Variants in SLC38A1 observed in about 807,000 individuals in gnomAD.
SLC38A1 encodes sodium-coupled neutral amino acid symporter 1.
SLC38A1 carries 18 observed loss-of-function variants against 60.3 expected under a neutral mutation model. The observed-to-expected ratio is 0.30, with a 90% confidence interval of 0.21 to 0.44. The LOEUF (loss-of-function observed/expected upper bound fraction) is 0.44. SLC38A1 is among the 20% of genes least tolerant of loss of function. SLC38A1 has a pLI of 1.00. For synonymous variants in SLC38A1, 196 were observed against 212.1 expected (o/e 0.92, Z 0.66); for missense variants, 448 against 587.2 (o/e 0.76, Z 2.45).
intron 1 of SLC38A1, among the ~76,000 whole-genome samples, chr12:46,260,654 G>T: frequency 6.6e-6 from 1 of 152,040 alleles, no homozygotes; most frequent in East Asian, 1.9e-4. Context: ...GACCTCACAT[G>T]CCAGCATTCT....
At chr12:46,234,903 T>C (rs1330563635) in intron 3 of SLC38A1, among the ~76,000 whole-genome samples, 4 of 152,240 alleles carry the variant, frequency 2.6e-5, no homozygotes, top group Non-Finnish European at 5.9e-5. Flanking sequence ...TTTCTCTTTA[T>C]TGACTTTAAA....
At chr12:46,225,329 G>A (rs1323849933) in intron 5 of SLC38A1, among the ~76,000 whole-genome samples, 4 of 152,172 alleles carry the variant, frequency 2.6e-5, no homozygotes, top group African/African-American at 9.7e-5. Context: ...CCATAAAGCT[G>A]ACTGGTTGGT....
chr12:46,206,520 C>G (rs1458034335), intron 8 of SLC38A1, among the ~76,000 whole-genome samples: 1 of 151,860 alleles, frequency 6.6e-6, no homozygotes, highest in African/African-American at 2.4e-5. Flanking sequence ...TTTTGTTTTG[C>G]TGGGCTAGTA....
chr12:46,212,251 T>C (rs1055847816), intron 5 of SLC38A1, among the ~76,000 whole-genome samples: 1 of 152,250 alleles, frequency 6.6e-6, no homozygotes, highest in African/African-American at 2.4e-5. Context: ...GTACATATAA[T>C]TATGGTTTCC....
chr12:46,202,277 G>T (rs546360149), intron 12 of SLC38A1, among the ~76,000 whole-genome samples: 32 of 152,032 alleles, frequency 2.1e-4, no homozygotes, highest in African/African-American at 7.5e-4. Flanking sequence ...ACTATTAAAA[G>T]ACGCCAAAGA....
chr12:46,232,005 C>T lies in SLC38A1; in HGVS notation c.123-2366G>A, dbSNP rs142064104. Among the ~76,000 whole-genome samples the T allele has an allele frequency of 2.8e-3, 429 of 152,276 alleles. 2 individuals carry two copies. Among genetic ancestry groups the T allele is most frequent in the African/African-American group, 9.5e-3 (395 of 41,550 alleles). On this transcript the variant is annotated intron_variant, in intron 3 of 16. Coordinates refer to ENST00000398637, the MANE Select transcript of SLC38A1 (RefSeq NM_030674.4). The stretch of plus-strand genomic sequence containing the variant: ...CATTGATGTTGATTTTATTCATTGA[C>T]GTTTTTCATCTTTATCCAAGGGATC...
chr12:46,229,025 T>C (rs554056680), intron 5 of SLC38A1, 128 bp downstream of exon 5: 4 of 545,716 alleles, frequency 7.3e-6, no homozygotes, highest in African/African-American at 5.7e-5. Context: ...TATCAAAGTA[T>C]GTACTTGTAA....
intron 5 of SLC38A1, among the ~76,000 whole-genome samples, chr12:46,226,406 T>A (rs1940863602): frequency 1.3e-5 from 2 of 151,830 alleles, no homozygotes; most frequent in African/African-American, 4.8e-5. Context: ...TAAGCTCCTA[T>A]AAATATAGTA....
At chr12:46,217,998 T>C (rs1359615555) in intron 5 of SLC38A1, among the ~76,000 whole-genome samples, 1 of 152,242 alleles carries the variant, frequency 6.6e-6, no homozygotes, top group Non-Finnish European at 1.5e-5. Flanking sequence ...ATTCAAATAG[T>C]ATCTAATATA....
chr12:46,194,866 G>A (rs1031192368), intron 16 of SLC38A1, among the ~76,000 whole-genome samples: 7 of 151,834 alleles, frequency 4.6e-5, no homozygotes, highest in South Asian at 2.1e-4. Context: ...GCCTCTTTGC[G>A]ATGGGTTAGA....
intron 5 of SLC38A1, among the ~76,000 whole-genome samples, chr12:46,213,524 T>C (rs78202800): frequency 0.012 from 1,856 of 152,360 alleles, 21 homozygotes; most frequent in Non-Finnish European, 0.016. Context: ...CATCTGGAAA[T>C]GGCCCATTGT....
intron 1 of SLC38A1, among the ~76,000 whole-genome samples, chr12:46,246,304 A>G (rs897130070): frequency 3.3e-5 from 5 of 152,200 alleles, no homozygotes; most frequent in African/African-American, 1.2e-4. Context: ...TTCCCACTCA[A>G]ATACTGCGTT....
At chr12:46,212,761 A>G (rs1940231885) in intron 5 of SLC38A1, among the ~76,000 whole-genome samples, 1 of 152,182 alleles carries the variant, frequency 6.6e-6, no homozygotes, top group South Asian at 2.1e-4. Context: ...GGAAACCTCT[A>G]TGCTCCATGC....
At chr12:46,230,229 G>A (rs11836863) in intron 3 of SLC38A1, among the ~76,000 whole-genome samples, 30,941 of 152,050 alleles carry the variant, frequency 0.2, 5,953 homozygotes, top group African/African-American at 0.51. Flanking sequence ...TTCCTTCAGC[G>A]CCTGCTATAT....
At chr12:46,192,441 C>T (rs144032778) in intron 16 of SLC38A1, among the ~76,000 whole-genome samples, 4 of 152,220 alleles carry the variant, frequency 2.6e-5, no homozygotes, top group East Asian at 1.9e-4. Flanking sequence ...GATGAGCTAG[C>T]CTCATAAAAT....
rs1333588798 is a variant in SLC38A1, at chr12:46,185,978, G to A, written c.*2992C>T. The A allele has an allele frequency of 6.6e-6, 1 of 152,104 alleles. No homozygotes were observed. The highest frequency in any genetic ancestry group is 2.4e-5 in the African/African-American group (1 of 41,410). 9.4% of individuals were successfully genotyped at this position (152,104 alleles called of 1,614,324 possible). A position where few individuals can be genotyped will look rare whatever the true frequency, so the allele number is the denominator to read the frequency against. ...CAACTCTGAACAAACACCCTCCCTG[G>A]AAACAATATTATATTTGATGGTTAG... is the stretch of plus-strand genomic sequence containing the variant. On this transcript the variant is annotated 3_prime_UTR_variant, in exon 17 of 17. Transcript: ENST00000398637.
At chr12:46,221,918 A>T (rs1473217397) in intron 5 of SLC38A1, among the ~76,000 whole-genome samples, 1 of 152,290 alleles carries the variant, frequency 6.6e-6, no homozygotes, top group East Asian at 1.9e-4. Flanking sequence ...GCCTTCCAGG[A>T]CCATGAGGAT....
Position 46,185,043 on chromosome 12 carries a change from G to C in SLC38A1, c.*3927C>G, listed in dbSNP as rs1457604654. 2 of 152,130 alleles carry C rather than the reference G, an allele frequency of 1.3e-5. No homozygotes were observed. Among genetic ancestry groups the C allele is most frequent in the Non-Finnish European group, 2.9e-5 (2 of 68,040 alleles). The allele number at this position is 152,130 out of a possible 1,614,324, so 9.4% of individuals were successfully genotyped here. A position where few individuals can be genotyped will look rare whatever the true frequency, so the allele number is the denominator to read the frequency against. On this transcript the variant is annotated 3_prime_UTR_variant, in exon 17 of 17. Coordinates refer to ENST00000398637, the MANE Select transcript of SLC38A1 (RefSeq NM_030674.4). Reference sequence around the variant, plus strand: ...CTCCCCTCCCTAAAGCCTGGCTCCTGTATGTTGCACCATGAGTCCTAGGAA... The same window carrying C: ...CTCCCCTCCCTAAAGCCTGGCTCCTCTATGTTGCACCATGAGTCCTAGGAA...
chr12:46,265,770 A>G (rs1458504411), intron 1 of SLC38A1, among the ~76,000 whole-genome samples: 1 of 152,232 alleles, frequency 6.6e-6, no homozygotes, highest in East Asian at 1.9e-4. Flanking sequence ...GGAGAGACCA[A>G]CAGGAAAGCT....
Sources: allele counts gnomAD v4.1 joint callset (sites outside exome capture counted in the v4.1 genomes callset), GRCh38; gene constraint gnomAD v4.1.1; transcripts MANE v1.5; gene names NCBI Gene and HGNC (gene_info 2026-07-23, HGNC 2026-07-21).